The following CS variants were observed in gnomAD, a reference collection of about 807,000 sequenced individuals.
The protein encoded by CS is citrate synthase, mitochondrial.
CS carries 13 observed loss-of-function variants against 61.4 expected under a neutral mutation model. The observed-to-expected ratio is 0.21, with a 90% confidence interval of 0.14 to 0.34. CS has a LOEUF of 0.34. Among genes scored for constraint, CS ranks in the 10% least tolerant of loss-of-function variants. The pLI, the probability that CS is intolerant of heterozygous loss-of-function variation, is 1.00. For missense variants in CS, 278 were observed against 573.4 expected (o/e 0.48, Z 5.26); for synonymous variants, 159 against 215.2 (o/e 0.74, Z 2.29).
Position 56,274,767 on chromosome 12 carries a change from C to T in CS, c.1020+10G>A. 1 of 1,534,230 alleles carries T rather than the reference C, an allele frequency of 6.5e-7. No homozygotes were observed. Among genetic ancestry groups the T allele is most frequent in the Non-Finnish European group, 8.8e-7 (1 of 1,140,250 alleles). ...GGTTTCTTTCCTAGTCGTTAAGCAT[C>T]TCTGCTTACCCGTCCTGAGTTGAGT... On this transcript the variant is annotated intron_variant, in intron 9 of 10. Coordinates refer to ENST00000351328, the MANE Select transcript of CS (RefSeq NM_004077.3).
At chr12:56,299,279 G>C (rs1429152326) in intron 1 of CS, among the ~76,000 whole-genome samples, 3 of 152,086 alleles carry the variant, frequency 2.0e-5, no homozygotes, top group Admixed American at 2.0e-4. Flanking sequence ...GAAATTGAAG[G>C]CATCATTACC....
intron 1 of CS, among the ~76,000 whole-genome samples, chr12:56,287,101 A>G (rs937879579): frequency 1.3e-5 from 2 of 152,232 alleles, no homozygotes; most frequent in African/African-American, 2.4e-5. Context: ...TGGAAAAAGC[A>G]CAAAGATTAT....
chr12:56,283,363 C>T (rs1177837973), intron 4 of CS, among the ~76,000 whole-genome samples: 3 of 152,184 alleles, frequency 2.0e-5, no homozygotes, highest in African/African-American at 7.2e-5. Context: ...CCTGCCTCAG[C>T]CTCCCGAGTA....
intron 1 of CS, among the ~76,000 whole-genome samples, chr12:56,296,417 C>A (rs1873307885): frequency 6.6e-6 from 1 of 152,116 alleles, no homozygotes; most frequent in Admixed American, 6.6e-5. Context: ...GTTCGCACCA[C>A]TGCACTCCAG....
At chr12:56,286,119 C>T in intron 2 of CS, 96 bp from the exon 3 acceptor site, 1 of 935,648 alleles carries the variant, frequency 1.1e-6, no homozygotes, top group East Asian at 2.4e-5. Flanking sequence ...TAGAAGCTGG[C>T]TTTATCTGCC....
rs1010957039 is a variant in CS, at chr12:56,275,248, G to T, written c.789-117C>A. The T allele has an allele frequency of 3.1e-4, 376 of 1,230,692 alleles. 3 individuals carry two copies. The highest frequency in any genetic ancestry group is 2.3e-4 in the Middle Eastern group (1 of 4,312). 76.2% of individuals were successfully genotyped at this position (1,230,692 alleles called of 1,614,324 possible). The stretch of plus-strand genomic sequence containing the variant: ...AGTTATGGGCTCATGCCAGCCTATA[G>T]CCAGTCAGTTATACCTAAACTCTTG... On this transcript the variant is annotated intron_variant, in intron 7 of 10. Coordinates refer to ENST00000351328, the MANE Select transcript of CS (RefSeq NM_004077.3).
intron 1 of CS, among the ~76,000 whole-genome samples, chr12:56,286,936 A>AC (rs1355942459): frequency 6.6e-6 from 1 of 152,138 alleles, no homozygotes. Flanking sequence ...TTTTTGAGTG[A>AC]CCCCAAGGAA....
intron 1 of CS, among the ~76,000 whole-genome samples, chr12:56,288,878 C>T (rs1166686784): frequency 6.6e-6 from 1 of 151,892 alleles, no homozygotes; most frequent in African/African-American, 2.4e-5. Context: ...AGGCTGGCCT[C>T]GAGTGATCCT....
Position 56,300,306 on chromosome 12 carries a change from A to G in CS, c.-105T>C. The stretch of plus-strand genomic sequence containing the variant: ...CCAGAGGCCGCGCCGACGGGTTGAC[A>G]AGGTTGAAAGGAGGCGGCTGAAGGA... On this transcript the variant is annotated 5_prime_UTR_variant, in exon 1 of 11. Coordinates refer to ENST00000351328, the MANE Select transcript of CS (RefSeq NM_004077.3). 8.1e-7 allele frequency: 1 copy of G among 1,237,812 alleles called. No individual in the cohort carries two copies. The highest frequency in any genetic ancestry group is 1.3e-5 in the South Asian group (1 of 74,540). 76.7% of individuals were successfully genotyped at this position (1,237,812 alleles called of 1,614,324 possible). A position where few individuals can be genotyped will look rare whatever the true frequency, so the allele number is the denominator to read the frequency against.
intron 1 of CS, among the ~76,000 whole-genome samples, chr12:56,294,823 C>A (rs1041063257): frequency 3.3e-5 from 5 of 152,156 alleles, no homozygotes; most frequent in Admixed American, 2.0e-4. Flanking sequence ...GGCTGGAGTG[C>A]AGTGGCATGA....
intron 1 of CS, chr12:56,298,656 C>A: frequency 1.0e-6 from 1 of 985,450 alleles, no homozygotes; most frequent in Non-Finnish European, 1.2e-6. Flanking sequence ...AGACAAGCAT[C>A]TCCCAAATGC....
At chr12:56,279,504 C>T (rs913305452) in intron 6 of CS, among the ~76,000 whole-genome samples, 5 of 151,936 alleles carry the variant, frequency 3.3e-5, no homozygotes, top group South Asian at 2.1e-4. Context: ...CGGTGGCTCA[C>T]GCCTGTAATC....
chr12:56,279,347 G>C (rs1355190783), intron 6 of CS, among the ~76,000 whole-genome samples: 1 of 152,142 alleles, frequency 6.6e-6, no homozygotes, highest in African/African-American at 2.4e-5. Flanking sequence ...CTCCTTAAAA[G>C]CTCAAGAAGG....
intron 4 of CS, 130 bp from the exon 5 acceptor site, chr12:56,283,121 G>T: frequency 9.5e-7 from 1 of 1,053,780 alleles, no homozygotes; most frequent in Non-Finnish European, 1.4e-6. Context: ...CTGTAGAGGT[G>T]GGGTCTTGCT....
chr12:56,273,997 CTTTT>C (rs35366727), intron 9 of CS: 1,513 of 371,736 alleles, frequency 4.1e-3, no homozygotes, highest in Middle Eastern at 5.7e-3. Context: ...ACACATCTGG[CTTTT>C]TTTTTTTTTT....
intron 1 of CS, chr12:56,291,175 TCAG>T: frequency 1.0e-6 from 1 of 1,000,686 alleles, no homozygotes; most frequent in Non-Finnish European, 1.3e-6. Flanking sequence ...ATAGCTGAAT[TCAG>T]TAAATATTTG....
intron 1 of CS, among the ~76,000 whole-genome samples, chr12:56,299,340 C>A (rs901476088): frequency 3.9e-5 from 6 of 152,076 alleles, no homozygotes; most frequent in Non-Finnish European, 8.8e-5. Context: ...AGTAAAGGAC[C>A]CCAAAGAAGG....
rs1283917196 is a variant in CS, at chr12:56,272,308, A to G, written c.*776T>C. 1 of 169,818 alleles carries G rather than the reference A, an allele frequency of 5.9e-6. No individual in the cohort carries two copies. The highest frequency in any genetic ancestry group is 2.4e-5 in the African/African-American group (1 of 41,588). 10.5% of individuals were successfully genotyped at this position (169,818 alleles called of 1,614,324 possible). A position where few individuals can be genotyped will look rare whatever the true frequency, so the allele number is the denominator to read the frequency against. Reference sequence around the variant, plus strand: ...TCACATTAAGCACTGATAAAACCCAATGACTGGGCCCACAGATCTGTTGAG... The same window carrying G: ...TCACATTAAGCACTGATAAAACCCAGTGACTGGGCCCACAGATCTGTTGAG... On this transcript the variant is annotated 3_prime_UTR_variant, in exon 11 of 11. Coordinates refer to ENST00000351328, the MANE Select transcript of CS (RefSeq NM_004077.3).
intron 1 of CS, among the ~76,000 whole-genome samples, chr12:56,295,444 C>T (rs1458663038): frequency 6.6e-6 from 1 of 151,614 alleles, no homozygotes; most frequent in African/African-American, 2.4e-5. Context: ...TAGCTTGAAC[C>T]CGGGAGGCAG....
Sources: allele counts gnomAD v4.1 joint callset (sites outside exome capture counted in the v4.1 genomes callset), GRCh38; gene constraint gnomAD v4.1.1; transcripts MANE v1.5; gene names NCBI Gene and HGNC (gene_info 2026-07-23, HGNC 2026-07-21).